ERBB2: variants seen among roughly 807,000 people sequenced by gnomAD.
ERBB2 encodes the protein receptor tyrosine-protein kinase erbB-2.
In ERBB2, 61 loss-of-function variants were observed where a neutral mutation model predicts 149.0. The ratio of observed to expected loss-of-function variants is 0.41; its 90% CI spans 0.33 to 0.51. The LOEUF (loss-of-function observed/expected upper bound fraction) is 0.51. Ranked by LOEUF, ERBB2 falls within the 20% of genes least tolerant of loss-of-function variation. The pLI is 0.25. For missense variants in ERBB2, 1,205 were observed against 1,655.1 expected, an observed-to-expected ratio of 0.73 and a Z score of 4.72; for synonymous variants, 633 against 678.8, an observed-to-expected ratio of 0.93 and a Z score of 1.05.
At chr17:39,697,398 C>T (rs2057892239), upstream of ERBB2, among the ~76,000 whole-genome samples, 1 of 149,294 alleles carries the variant, frequency 6.7e-6, no homozygotes, top group Non-Finnish European at 1.5e-5. Flanking sequence ...TCTTGTTGCC[C>T]AGGCTGGAGT....
chr17:39,715,382 G>C (rs2145634607), intron 10 of ERBB2, 23 bp downstream of exon 10: 1 of 1,613,698 alleles, frequency 6.2e-7, no homozygotes, highest in Non-Finnish European at 8.5e-7. Flanking sequence ...TCTGCATCCT[G>C]TTCTGCAGGG....
chr17:39,725,547 G>A lies in ERBB2; in HGVS notation c.2725+145G>A. 1 of 1,194,042 alleles carries A rather than the reference G, an allele frequency of 8.4e-7. No homozygotes were observed. 74.0% of individuals were successfully genotyped at this position (1,194,042 alleles called of 1,614,324 possible). A position where few individuals can be genotyped will look rare whatever the true frequency, so the allele number is the denominator to read the frequency against. ...CTGTGCCCCACCTTGCAGGGTCTGT[G>A]CACTTCCCAGGATTAGGGAAAGACC... On this transcript the variant is annotated intron_variant, in intron 22 of 26. Transcript: ENST00000269571. This position sits in a 1 kb window ranked among gnomAD's most constrained non-coding sequence, Gnocchi z 4.6.
At position 39,689,900 on chromosome 17, in the gene ERBB2, C is replaced by CA. The variant is rs77805136; in HGVS notation, c.-277+1117dup. 6.9e-3 allele frequency among the ~76,000 whole-genome samples: 326 copies of CA among 47,268 alleles called. 2 individuals carry two copies. Among genetic ancestry groups the CA allele is most frequent in the South Asian group, 0.037 (55 of 1,506 alleles). 31.0% of individuals were successfully genotyped at this position (47,268 alleles called of 152,430 possible). A position where few individuals can be genotyped will look rare whatever the true frequency, so the allele number is the denominator to read the frequency against. On this transcript the variant is annotated intron_variant, in intron 2 of 17. Coordinates refer to the ERBB2 transcript ENST00000578199. ...CAGCCTGGGCAACAAGAGCGAAACTCAAAAAAAAAAAAAAAAAGAAAAAGA... is the reference window on the plus strand; with the variant it reads ...CAGCCTGGGCAACAAGAGCGAAACTCAAAAAAAAAAAAAAAAAAGAAAAAGA...
At chr17:39,712,171 C>G in intron 8 of ERBB2, 124 bp downstream of exon 8, 1 of 1,541,122 alleles carries the variant, frequency 6.5e-7, no homozygotes. Context: ...GCCTTCTACT[C>G]TCTACCCCTG....
At position 39,726,849 on chromosome 17, in the gene ERBB2, G is replaced by C. The variant is rs1159921692; in HGVS notation, c.3005G>C (p.Ser1002Thr). The C allele has an allele frequency of 1.2e-6, 2 of 1,613,238 alleles. No individual in the cohort carries two copies. The highest frequency in any genetic ancestry group is 2.2e-5 in the South Asian group (2 of 90,994). ...EDLGPASPLD[S>T]TFYRSLLEDD... ...TTGGGCCCAGCCAGTCCCTTGGACA[G>C]CACCTTCTACCGCTCACTGCTGGAG... is the stretch of plus-strand genomic sequence containing the variant. The change falls in exon 25 of 27, where the codon AGC becomes ACC. Residue 1002 changes from serine (S) to threonine (T), a missense_variant. Around this residue, in one of 6 missense-constraint regions of ERBB2, gnomAD observed 312 missense variants for 343.8 expected, o/e 0.91. Transcript: ENST00000269571. The surrounding 1 kb of genome is among the most constrained non-coding windows in gnomAD (Gnocchi z 5.1).
intron 1 of ERBB2, among the ~76,000 whole-genome samples, chr17:39,701,736 G>C (rs913838473): frequency 6.6e-6 from 1 of 152,170 alleles, no homozygotes; most frequent in African/African-American, 2.4e-5. Context: ...GCTGAACTCT[G>C]TCCTCTGCAG....
At chr17:39,711,686 A>G (rs754137302) in intron 7 of ERBB2, among the ~76,000 whole-genome samples, 2 of 152,232 alleles carry the variant, frequency 1.3e-5, no homozygotes, top group African/African-American at 2.4e-5. Flanking sequence ...ACTCACTAGC[A>G]CAATGACCTT....
At position 39,723,814 on chromosome 17, in the gene ERBB2, G is replaced by A. The variant is rs1414410196; in HGVS notation, c.2209-98G>A. 1.3e-6 allele frequency: 2 copies of A among 1,490,660 alleles called. No homozygotes were observed. The highest frequency in any genetic ancestry group is 1.4e-5 in the African/African-American group (1 of 72,528). The allele number at this position is 1,490,660 out of a possible 1,614,324, so 92.3% of individuals were successfully genotyped here. On this transcript the variant is annotated intron_variant, in intron 18 of 26. Transcript: ENST00000269571. This position sits in a 1 kb window ranked among gnomAD's most constrained non-coding sequence, Gnocchi z 6.2. ...GAAGGGAGCGGGGCCAAGCCCTAGGGTGGTGAAGGATGTTTGGAGGACAAG... is the reference window on the plus strand; with the variant it reads ...GAAGGGAGCGGGGCCAAGCCCTAGGATGGTGAAGGATGTTTGGAGGACAAG...
chr17:39,706,040 G>A (rs767092118), intron 1 of ERBB2, among the ~76,000 whole-genome samples: 51 of 152,186 alleles, frequency 3.4e-4, no homozygotes, highest in Admixed American at 6.5e-4. Flanking sequence ...CTACCCCGGC[G>A]CCCCTCACCA....
chr17:39,702,230 G>T (rs755221478), intron 1 of ERBB2, among the ~76,000 whole-genome samples: 6 of 152,240 alleles, frequency 3.9e-5, no homozygotes, highest in Non-Finnish European at 7.3e-5. Context: ...AGCCCAGGAA[G>T]TTGAGGCTTG....
intron 2 of ERBB2, 119 bp downstream of exon 2, chr17:39,707,260 T>A: frequency 1.1e-6 from 1 of 885,466 alleles, no homozygotes; most frequent in Non-Finnish European, 1.6e-6. Flanking sequence ...TTGTGGTTTC[T>A]CAACCAGGAA....
intron 9 of ERBB2, among the ~76,000 whole-genome samples, chr17:39,712,795 T>C (rs1207747630): frequency 6.6e-6 from 1 of 152,222 alleles, no homozygotes; most frequent in Non-Finnish European, 1.5e-5. Context: ...GTGTATCCAT[T>C]TGGTGAAGTT....
At chr17:39,701,368 T>C (rs2058097339) in intron 1 of ERBB2, among the ~76,000 whole-genome samples, 1 of 152,114 alleles carries the variant, frequency 6.6e-6, no homozygotes, top group Non-Finnish European at 1.5e-5. Flanking sequence ...TAGTAAGTGG[T>C]GGGGTCAAGA....
At chr17:39,700,351 C>T (rs1156559462) in intron 1 of ERBB2, 40 bp downstream of exon 1, 53 of 1,288,384 alleles carry the variant, frequency 4.1e-5, no homozygotes, top group Non-Finnish European at 5.0e-5. Flanking sequence ...AGCGGCGGGA[C>T]CCTGCCCTGT....
At chr17:39,724,106 A>G in intron 19 of ERBB2, 96 bp downstream of exon 19, 3 of 823,914 alleles carry the variant, frequency 3.6e-6, no homozygotes, top group Non-Finnish European at 5.7e-6. Context: ...TTGGGGAGAT[A>G]TGACTCCCGC....
rs1028235927 is a variant in ERBB2 at position 39,723,178 on chromosome 17, G to C, written c.1947-141G>C. 2.4e-6 allele frequency: 2 copies of C among 831,508 alleles called. No individual in the cohort carries two copies. Among genetic ancestry groups the C allele is most frequent in the Non-Finnish European group, 3.8e-6 (2 of 530,448 alleles). 51.5% of individuals were successfully genotyped at this position (831,508 alleles called of 1,614,324 possible). ...GCGGGGAGCCAAGGCAGGTTTTAGAGTAGGAGAGGGTCCAAGCCTGTGGGT... is the reference window on the plus strand; with the variant it reads ...GCGGGGAGCCAAGGCAGGTTTTAGACTAGGAGAGGGTCCAAGCCTGTGGGT... On this transcript the variant is annotated intron_variant, in intron 16 of 26. Coordinates refer to ENST00000269571, the MANE Select transcript of ERBB2 (RefSeq NM_004448.4). The surrounding 1 kb of genome is among the most constrained non-coding windows in gnomAD (Gnocchi z 6.2).
chr17:39,697,354 G>GTTTTTTTTTTTTTT (rs60262818), upstream of ERBB2, among the ~76,000 whole-genome samples: 3 of 122,136 alleles, frequency 2.5e-5, no homozygotes, highest in African/African-American at 9.1e-5. Flanking sequence ...TTTTTGTTTT[G>GTTTTTTTTTTTTTT]TTTTTTTTTT....
upstream of ERBB2, among the ~76,000 whole-genome samples, chr17:39,691,596 CACACAT>C (rs1270635606): frequency 1.4e-5 from 2 of 144,238 alleles, no homozygotes; most frequent in Non-Finnish European, 3.0e-5. Flanking sequence ...CACACACACA[CACACAT>C]ACCCTCTAAC....
intron 3 of ERBB2, 151 bp from the exon 4 acceptor site, chr17:39,709,167 T>C: frequency 1.2e-6 from 1 of 858,812 alleles, no homozygotes; most frequent in African/African-American, 1.7e-5. Flanking sequence ...GTGGTGGGAC[T>C]CAAAGACGGT....
Sources: allele counts gnomAD v4.1 joint callset (sites outside exome capture counted in the v4.1 genomes callset), GRCh38; gene constraint gnomAD v4.1.1; regional missense constraint gnomAD v4.1.1; non-coding constraint Gnocchi (gnomAD v3.1); transcripts MANE v1.5; gene names NCBI Gene and HGNC (gene_info 2026-07-23, HGNC 2026-07-21).